Variants in PRDM4 observed in about 807,000 individuals in gnomAD.
The protein encoded by PRDM4 is PR domain zinc finger protein 4.
A neutral mutation model predicts 62.3 loss-of-function variants in PRDM4; 38 were observed. That is an observed-to-expected ratio of 0.61 (90% CI 0.47 to 0.80). The LOEUF (loss-of-function observed/expected upper bound fraction) is 0.80, where lower values mean the gene tolerates loss of function less well. Ranked by LOEUF, PRDM4 falls within the 30% of genes least tolerant of loss-of-function variation. The probability of loss-of-function intolerance (pLI) is 0.00; values close to 1 mark genes in which losing one functional copy is unlikely to be tolerated. For missense variants in PRDM4, 858 were observed against 997.1 expected (o/e 0.86, Z 1.88); for synonymous variants, 339 against 348.2 (o/e 0.97, Z 0.30).
intron 7 of PRDM4, among the ~76,000 whole-genome samples, 170 bp downstream of exon 7, chr12:107,744,373 C>T (rs942891184): frequency 2.6e-5 from 4 of 152,168 alleles, no homozygotes; most frequent in African/African-American, 9.7e-5. Context: ...TATAATTTGG[C>T]TACCAAGAAT....
Position 107,734,197 on chromosome 12 carries a change from GTTTC to G in PRDM4, c.*9_*12del. On this transcript the variant is annotated 3_prime_UTR_variant, in exon 12 of 12. Coordinates refer to ENST00000228437, the MANE Select transcript of PRDM4 (RefSeq NM_012406.4). ...TTTGCATTTTCATCCAAAATTGCTT[GTTTC>G]TTTTCCTTTTATTTATGTGCAGAAA... The G allele has an allele frequency of 6.4e-7, 1 of 1,569,024 alleles. No homozygotes were observed. The highest frequency in any genetic ancestry group is 8.6e-7 in the Non-Finnish European group (1 of 1,160,504).
Position 107,752,102 on chromosome 12 carries a change from G to A in PRDM4, c.439C>T (p.Leu147=). ...TTTCCATTGGACTGATAGGGATCTA[G>A]TGCTGAAGGGTTATTGGTGATAGAT... ...ALSITNNPSA[L]DPYQSNGNVG... The change falls in exon 5 of 12, where the codon CTA becomes TTA. Residue 147 remains leucine, a synonymous_variant. Transcript: ENST00000228437. 9 of 1,609,312 alleles carry A rather than the reference G, an allele frequency of 5.6e-6. No individual in the cohort carries two copies. Among genetic ancestry groups the A allele is most frequent in the Non-Finnish European group, 6.8e-6 (8 of 1,175,656 alleles).
chr12:107,746,649 T>TA (rs1465556614), intron 5 of PRDM4, among the ~76,000 whole-genome samples: 1 of 151,770 alleles, frequency 6.6e-6, no homozygotes, highest in Non-Finnish European at 1.5e-5. Flanking sequence ...CATGCCCAGC[T>TA]AATTTTTGAA....
chr12:107,751,480 G>A lies in PRDM4; in HGVS notation c.1061C>T (p.Ser354Leu). The A allele has an allele frequency of 6.2e-7, 1 of 1,614,010 alleles. No homozygotes were observed. The highest frequency in any genetic ancestry group is 2.2e-5 in the East Asian group (1 of 44,866). The change falls in exon 5 of 12, where the codon TCA becomes TTA. Residue 354 changes from serine to leucine, a missense_variant. Ser to Leu is a moderately radical substitution (Grantham distance 145, BLOSUM62 -2). Transcript: ENST00000228437. ...DVSSDSLSFVSPSLQMEDSNS... is the reference protein window; with the variant it reads ...DVSSDSLSFVLPSLQMEDSNS... ...GGAGTCTTCCATTTGCAGTGAAGGT[G>A]ATACAAAAGAAAGACTGTCTGAAGA...
chr12:107,751,572 G>A lies in PRDM4; in HGVS notation c.969C>T (p.Ser323=), dbSNP rs1407783945. The A allele has an allele frequency of 1.9e-6, 3 of 1,613,362 alleles. 1 individual carries two copies. In the South Asian group the frequency reaches 3.3e-5, roughly 18 times the overall value. Residue 323 remains serine, a synonymous_variant, in exon 5 of 12, where the codon AGC becomes AGT. Transcript: ENST00000228437. ...TGGAGGAGACAGCCACAGGTTCTAG[G>A]CTGAGGCCAACTTCATGGAGGGAAA... is the stretch of plus-strand genomic sequence containing the variant. The part of the protein sequence containing the change: ...ESVSLHEVGL[S]LEPVAVSSIT...
Position 107,739,480 on chromosome 12 carries a change from C to T in PRDM4, c.1996G>A (p.Val666Ile). Residue 666 changes from valine (V) to isoleucine (I), a missense_variant, in exon 11 of 12, where the codon GTT (valine) becomes ATT (isoleucine). This residue lies in a region of PRDM4 where 355 missense variants were observed against 432.6 expected (regional missense o/e 0.82). Coordinates refer to ENST00000228437, the MANE Select transcript of PRDM4 (RefSeq NM_012406.4). ...AGATTCTTCTCCCCAGTGTGGATAA[C>T]CATGTGGGACTCCAGGTGAGCCTTC... Reference protein sequence around the residue: ...TQKAHLESHMVIHTGEKNLKC... With the variant: ...TQKAHLESHMIIHTGEKNLKC... The T allele has an allele frequency of 6.2e-7, 1 of 1,613,992 alleles. No individual in the cohort carries two copies. The highest frequency in any genetic ancestry group is 1.1e-5 in the South Asian group (1 of 91,082).
chr12:107,750,099 T>C (rs563500754), intron 5 of PRDM4, among the ~76,000 whole-genome samples: 13 of 152,300 alleles, frequency 8.5e-5, no homozygotes, highest in African/African-American at 3.1e-4. Flanking sequence ...TTAGTACCAA[T>C]GCACTTCACC....
chr12:107,744,118 A>G (rs1460939924), intron 7 of PRDM4, among the ~76,000 whole-genome samples: 1 of 150,202 alleles, frequency 6.7e-6, no homozygotes, highest in African/African-American at 2.4e-5. Context: ...CATCTCAAGG[A>G]AGAAAAAAAA....
chr12:107,735,271 T>C (rs905386720), intron 11 of PRDM4, among the ~76,000 whole-genome samples: 2 of 152,218 alleles, frequency 1.3e-5, no homozygotes, highest in African/African-American at 4.8e-5. Flanking sequence ...TCTTCAACTT[T>C]ACAAGATAAT....
chr12:107,750,051 C>G (rs1890840695), intron 5 of PRDM4, among the ~76,000 whole-genome samples: 1 of 152,208 alleles, frequency 6.6e-6, no homozygotes, highest in African/African-American at 2.4e-5. Flanking sequence ...TTCCCCGACC[C>G]TTCCATGGCC....
intron 8 of PRDM4, 103 bp downstream of exon 8, chr12:107,743,094 T>C (rs888597644): frequency 4.4e-6 from 4 of 915,410 alleles, no homozygotes; most frequent in African/African-American, 1.6e-5. Flanking sequence ...TGTCCAGGTG[T>C]TGGTGTAATT....
intron 5 of PRDM4, among the ~76,000 whole-genome samples, chr12:107,748,388 A>G (rs1890785605): frequency 6.6e-6 from 1 of 152,236 alleles, no homozygotes. Context: ...ATGAGAGTTC[A>G]TAACAGCATT....
Position 107,741,151 on chromosome 12 carries a change from G to C in PRDM4, c.1719C>G (p.Thr573=). 1 of 1,614,068 alleles carries C rather than the reference G, an allele frequency of 6.2e-7. No individual in the cohort carries two copies. Among genetic ancestry groups the C allele is most frequent in the South Asian group, 1.1e-5 (1 of 91,076 alleles). The stretch of plus-strand genomic sequence containing the variant: ...GCCCATGGCTGCCGCTATGTCCCTG[G>C]GTAGGAAGATGGTTATGGATGTGGC... The part of the protein sequence containing the change: ...LTSHIHNHLP[T]QGHSGSHGPS... The change falls in exon 10 of 12, where the codon ACC becomes ACG. Residue 573 remains threonine (T), a synonymous_variant. Coordinates refer to ENST00000228437, the MANE Select transcript of PRDM4 (RefSeq NM_012406.4).
At chr12:107,743,679 C>T (rs763253253) in intron 7 of PRDM4, among the ~76,000 whole-genome samples, 6 of 152,180 alleles carry the variant, frequency 3.9e-5, no homozygotes, top group Admixed American at 6.5e-5. Context: ...CCTAGCATTC[C>T]AAATTTAAAG....
In PRDM4 at chr12:107,756,975, A is replaced by G; in HGVS notation, c.12-10T>C. On this transcript the variant is annotated splice_polypyrimidine_tract_variant and intron_variant, in intron 2 of 11. Coordinates refer to ENST00000228437, the MANE Select transcript of PRDM4 (RefSeq NM_012406.4). Reference sequence around the variant, plus strand: ...GTTCATTTCATTCATCCTAGAAAAGAGCACACACAACTAGTTATGCAAAAA... The same window carrying G: ...GTTCATTTCATTCATCCTAGAAAAGGGCACACACAACTAGTTATGCAAAAA... 1 of 1,613,724 alleles carries G rather than the reference A, an allele frequency of 6.2e-7. No individual in the cohort carries two copies.
intron 4 of PRDM4, among the ~76,000 whole-genome samples, chr12:107,753,375 GAA>G (rs1356223140): frequency 3.1e-5 from 3 of 97,622 alleles, no homozygotes; most frequent in Admixed American, 2.0e-4. Context: ...TCCATTAAAA[GAA>G]AAAAAAAAAA....
rs1323770643 is a variant in PRDM4, at chr12:107,754,059, A to G, written c.196T>C (p.Ser66Pro). 3 of 1,613,820 alleles carry G rather than the reference A, an allele frequency of 1.9e-6. No individual in the cohort carries two copies. The Admixed American group carries it at 5.0e-5, about 27-fold the overall frequency. ...ATTGGTAGCATTAAAGACAGAGCAG[A>G]AGGCAGAGAGCTCAGGGAGGGACCC... ...NLGPSLSSLP[S>P]ALSLMLPMGI... Residue 66 changes from serine (S) to proline (P), a missense_variant, in exon 4 of 12, where the codon TCT becomes CCT. Coordinates refer to ENST00000228437, the MANE Select transcript of PRDM4 (RefSeq NM_012406.4).
rs1345518686 is a variant in PRDM4, at chr12:107,756,876, AG to A, written c.100del (p.Leu34TrpfsTer28). The A allele has an allele frequency of 6.2e-7, 1 of 1,614,046 alleles. No homozygotes were observed. Among genetic ancestry groups the A allele is most frequent in the Admixed American group, 1.7e-5 (1 of 59,998 alleles). On this transcript the variant is annotated frameshift_variant, in exon 3 of 12. Coordinates refer to ENST00000228437, the MANE Select transcript of PRDM4 (RefSeq NM_012406.4). LOFTEE classifies it high-confidence loss of function. ...SNALPVSGSH[L>X]GLAASPTHSA... ...GTGAGTGGGTGAGGCAGCCAATCCCAGGTGACTTCCTGAGACTGGCAAGGCA... is the reference window on the plus strand; with the variant it reads ...GTGAGTGGGTGAGGCAGCCAATCCCAGTGACTTCCTGAGACTGGCAAGGCA...
At chr12:107,750,266 C>G (rs1160322703) in intron 5 of PRDM4, among the ~76,000 whole-genome samples, 1 of 152,120 alleles carries the variant, frequency 6.6e-6, no homozygotes, top group East Asian at 1.9e-4. Flanking sequence ...CACTAAAAAG[C>G]CCAGCATGAT....
Sources: gnomAD v4.1 joint callset for allele counts (sites outside exome capture counted in the v4.1 genomes callset) on GRCh38, gnomAD v4.1.1 for gene constraint, gnomAD v4.1.1 regional missense constraint, MANE v1.5 for transcripts, NCBI Gene and HGNC (gene_info 2026-07-23, HGNC 2026-07-21) for gene names.